Variants in IFT43 observed in about 807,000 individuals in gnomAD.
The protein encoded by IFT43 is intraflagellar transport 43.
A neutral mutation model predicts 32.3 loss-of-function variants in IFT43; 33 were observed. The observed-to-expected ratio is 1.02, with a 90% CI of 0.77 to 1.37. The LOEUF (loss-of-function observed/expected upper bound fraction) is 1.37, where lower values mean the gene tolerates loss of function less well. Among genes scored for constraint, IFT43 ranks in the 40% most tolerant of loss-of-function variants. IFT43 has a pLI of 0.00. For synonymous variants in IFT43, 93 were observed against 98.2 expected, an observed-to-expected ratio of 0.95 and a Z score of 0.31; for missense variants, 274 against 265.9, an observed-to-expected ratio of 1.03 and a Z score of -0.21.
intron 3 of IFT43, among the ~76,000 whole-genome samples, chr14:76,033,706 A>G (rs2036548578): frequency 6.6e-6 from 1 of 152,150 alleles, no homozygotes; most frequent in African/African-American, 2.4e-5. Flanking sequence ...AGCTCCTACC[A>G]TTTGCTGGAT....
At chr14:76,058,121 G>A (rs1322584956) in intron 3 of IFT43, 11 of 201,162 alleles carry the variant, frequency 5.5e-5, no homozygotes, top group Non-Finnish European at 1.0e-4. Context: ...GTATCAGCCA[G>A]GCCCTGTCAC....
intron 3 of IFT43, among the ~76,000 whole-genome samples, chr14:76,025,013 G>A (rs565085877): frequency 1.3e-5 from 2 of 152,260 alleles, no homozygotes; most frequent in African/African-American, 4.8e-5. Flanking sequence ...TTAGTTCAGA[G>A]TCCAGTTCTA....
chr14:76,075,899 T>C (rs2037404045), intron 5 of IFT43, among the ~76,000 whole-genome samples: 1 of 152,238 alleles, frequency 6.6e-6, no homozygotes, highest in Admixed American at 6.5e-5. Flanking sequence ...TGATCTCTGG[T>C]TTTAAGTTGT....
At chr14:76,074,169 T>TG (rs1166386192) in intron 5 of IFT43, among the ~76,000 whole-genome samples, 1 of 152,184 alleles carries the variant, frequency 6.6e-6, no homozygotes, top group Non-Finnish European at 1.5e-5. Flanking sequence ...GAATCAGATA[T>TG]GCCTGGTTTC....
chr14:76,003,510 C>G (rs975851134), intron 2 of IFT43, among the ~76,000 whole-genome samples: 2 of 151,890 alleles, frequency 1.3e-5, no homozygotes, highest in East Asian at 3.9e-4. Context: ...CCTGTAATCC[C>G]AGCTACTTGG....
chr14:76,045,088 G>A (rs1469438309), intron 3 of IFT43, among the ~76,000 whole-genome samples: 1 of 152,060 alleles, frequency 6.6e-6, no homozygotes, highest in Non-Finnish European at 1.5e-5. Context: ...ATTGTTCAAG[G>A]GTCATCTGTA....
chr14:76,037,987 A>G (rs1373073592), intron 3 of IFT43: 1 of 152,216 alleles, frequency 6.6e-6, no homozygotes, highest in Non-Finnish European at 1.5e-5. Flanking sequence ...TCAGATTTTC[A>G]TTGGTAAACA....
intron 5 of IFT43, among the ~76,000 whole-genome samples, chr14:76,063,563 T>C (rs1419655765): frequency 6.6e-6 from 1 of 152,230 alleles, no homozygotes; most frequent in Non-Finnish European, 1.5e-5. Context: ...TTATCTGTTT[T>C]CCTGCTCTCA....
In IFT43 at chr14:76,083,470, T is replaced by TG. The variant is rs2037553093; in HGVS notation, c.523dup (p.Asp175GlyfsTer8). The TG allele has an allele frequency of 6.2e-7, 1 of 1,614,056 alleles. No homozygotes were observed. The highest frequency in any genetic ancestry group is 1.1e-5 in the South Asian group (1 of 91,080). On this transcript the variant is annotated frameshift_variant, in exon 9 of 9. Transcript: ENST00000314067. LOFTEE classifies it high-confidence loss of function. ...CCCTTCTTGGCAGGATGATGTCGGC[T>TG]GGGACTGGGACCATCTGTTCACTGA...
chr14:76,054,295 G>A (rs1307505142), intron 3 of IFT43, among the ~76,000 whole-genome samples: 4 of 152,286 alleles, frequency 2.6e-5, no homozygotes, highest in Middle Eastern at 3.4e-3. Context: ...ATACCATATC[G>A]TGCCTTCCAT....
intron 3 of IFT43, among the ~76,000 whole-genome samples, chr14:76,023,557 T>C (rs115628451): frequency 0.014 from 2,134 of 152,350 alleles, 57 homozygotes; most frequent in African/African-American, 0.044. Flanking sequence ...AGAAGAGAGA[T>C]GCATTTAGGA....
rs143086421 is a variant in IFT43 at position 76,016,269 on chromosome 14, G to T, written c.148-6058G>T. The stretch of plus-strand genomic sequence containing the variant: ...ATGGGGGCTCTGGTTTTATTCTTCT[G>T]TGTATGGAAATCCGGTTTTCCCAGC... On this transcript the variant is annotated intron_variant, in intron 2 of 8. Transcript: ENST00000314067. Among the ~76,000 whole-genome samples, 70 of 152,202 alleles carry T rather than the reference G, an allele frequency of 4.6e-4. 1 individual carries two copies. The East Asian group carries it at 0.013, about 29-fold the overall frequency.
At position 76,079,008 on chromosome 14, in the gene IFT43, C is replaced by T. The variant is rs567676366; in HGVS notation, c.296-3287C>T. Among the ~76,000 whole-genome samples, 226 of 152,258 alleles carry T rather than the reference C, an allele frequency of 1.5e-3. 1 individual carries two copies. The highest frequency in any genetic ancestry group is 6.8e-3 in the Middle Eastern group (2 of 294). ...TTAGCATATCTCTAGTTATTGGAAT[C>T]GAGAGAAAGACCCCAGAAGAGAGGA... On this transcript the variant is annotated intron_variant, in intron 5 of 8. Transcript: ENST00000314067.
chr14:76,056,614 C>T (rs556851896), intron 3 of IFT43, among the ~76,000 whole-genome samples: 9 of 152,322 alleles, frequency 5.9e-5, no homozygotes, highest in East Asian at 5.8e-4. Context: ...ATGTACACAA[C>T]GAAGGCGCCA....
chr14:76,026,213 A>C (rs1169766807), intron 3 of IFT43, among the ~76,000 whole-genome samples: 1 of 152,250 alleles, frequency 6.6e-6, no homozygotes, highest in Non-Finnish European at 1.5e-5. Flanking sequence ...ATGCAAATCA[A>C]AACCACAATG....
intron 2 of IFT43, among the ~76,000 whole-genome samples, chr14:76,006,108 G>A (rs559195325): frequency 6.6e-5 from 10 of 152,168 alleles, no homozygotes; most frequent in Non-Finnish European, 1.3e-4. Context: ...GACATTAGTG[G>A]TGCAACTTGG....
intron 1 of IFT43, chr14:75,986,284 C>A: frequency 7.9e-7 from 1 of 1,261,806 alleles, no homozygotes; most frequent in Non-Finnish European, 1.0e-6. Context: ...GGAAGGGAGG[C>A]AGGCAGGGAC....
At chr14:76,078,928 C>A (rs994583820) in intron 5 of IFT43, among the ~76,000 whole-genome samples, 1 of 152,120 alleles carries the variant, frequency 6.6e-6, no homozygotes, top group South Asian at 2.1e-4. Flanking sequence ...TCCATTCTGC[C>A]CCATTTAGCC....
At chr14:76,013,627 T>C (rs1055782913) in intron 2 of IFT43, 4 of 225,944 alleles carry the variant, frequency 1.8e-5, no homozygotes, top group Non-Finnish European at 3.7e-5. Flanking sequence ...AGAAACCAAC[T>C]AGACCTTTAA....
Sources: gnomAD v4.1 joint callset for allele counts (sites outside exome capture counted in the v4.1 genomes callset) on GRCh38, gnomAD v4.1.1 for gene constraint, MANE v1.5 for transcripts, NCBI Gene and HGNC (gene_info 2026-07-23, HGNC 2026-07-21) for gene names.